RRP12: variants seen among roughly 807,000 people sequenced by gnomAD.
RRP12 encodes RRP12-like protein.
Under a neutral mutation model 157.3 loss-of-function variants are expected in RRP12, and 78 were observed. The ratio of observed to expected loss-of-function variants is 0.50; its 90% CI spans 0.41 to 0.60. RRP12 has a LOEUF of 0.60. RRP12 is among the 20% of genes least tolerant of loss of function. The probability of loss-of-function intolerance (pLI) is 0.00; values close to 1 mark genes in which losing one functional copy is unlikely to be tolerated. For missense variants in RRP12, 1,521 were observed against 1,679.9 expected (o/e 0.91, Z 1.65); for synonymous variants, 726 against 670.9 (o/e 1.08, Z -1.27).
chr10:97,370,768 A>G lies in RRP12; in HGVS notation c.2531T>C (p.Val844Ala), dbSNP rs1844125000. The stretch of plus-strand genomic sequence containing the variant: ...CTTGTGTTCAGCTGAGAGCTTCCTC[A>G]CGATGTGTAGGAGGCACTTCAAACG... Reference protein sequence around the residue: ...RPRLKCLLHIVRKLSAEHKEF... With the variant: ...RPRLKCLLHIARKLSAEHKEF... Residue 844 changes from valine to alanine, a missense_variant, in exon 22 of 34, where the codon GTG (valine) becomes GCG (alanine). By Grantham distance (64) the Val-to-Ala change is moderately conservative. Transcript: ENST00000370992. 1 of 1,613,998 alleles carries G rather than the reference A, an allele frequency of 6.2e-7. No individual in the cohort carries two copies. The highest frequency in any genetic ancestry group is 8.5e-7 in the Non-Finnish European group (1 of 1,179,886).
At chr10:97,393,164 C>T (rs911807536) in intron 4 of RRP12, 9 of 391,674 alleles carry the variant, frequency 2.3e-5, no homozygotes, top group African/African-American at 6.2e-5. Context: ...TGTGAACCAC[C>T]GCACCAGGCC....
chr10:97,388,368 C>T lies in RRP12; in HGVS notation c.901G>A (p.Ala301Thr). 1 of 1,613,848 alleles carries T rather than the reference C, an allele frequency of 6.2e-7. No individual in the cohort carries two copies. Among genetic ancestry groups the T allele is most frequent in the Non-Finnish European group, 8.5e-7 (1 of 1,180,000 alleles). The part of the protein sequence containing the change: ...EIEKSGGSKE[A>T]TTTLHMLTLL... ...GTCAGCATGTGCAGCGTGGTGGTGGCCTCCTTGGAGCCTGGTATACAGAAG... is the reference window on the plus strand; with the variant it reads ...GTCAGCATGTGCAGCGTGGTGGTGGTCTCCTTGGAGCCTGGTATACAGAAG... The change falls in exon 8 of 34, where the codon GCC becomes ACC. Residue 301 changes from alanine (A) to threonine (T), a missense_variant. Coordinates refer to ENST00000370992, the MANE Select transcript of RRP12 (RefSeq NM_015179.4).
At chr10:97,383,869 C>T (rs1439119058) in intron 10 of RRP12, among the ~76,000 whole-genome samples, 6 of 152,182 alleles carry the variant, frequency 3.9e-5, no homozygotes, top group East Asian at 1.9e-4. Flanking sequence ...CAACCTGGGA[C>T]GCAGGGCTCG....
At chr10:97,376,147 G>A (rs1161974345) in intron 15 of RRP12, among the ~76,000 whole-genome samples, 3 of 149,360 alleles carry the variant, frequency 2.0e-5, no homozygotes, top group Non-Finnish European at 4.4e-5. Context: ...CAAAGCAAAG[G>A]AAAATACATT....
At chr10:97,368,668 T>C (rs1268850432) in intron 25 of RRP12, among the ~76,000 whole-genome samples, 1 of 152,224 alleles carries the variant, frequency 6.6e-6, no homozygotes, top group African/African-American at 2.4e-5. Flanking sequence ...AGGGCTTGTA[T>C]AAATTCGAAT....
At position 97,369,587 on chromosome 10, in the gene RRP12, G is replaced by T; in HGVS notation, c.2798-5C>A. 1 of 1,555,032 alleles carries T rather than the reference G, an allele frequency of 6.4e-7. No individual in the cohort carries two copies. Among genetic ancestry groups the T allele is most frequent in the South Asian group, 1.2e-5 (1 of 84,298 alleles). On this transcript the variant is annotated splice_region_variant and splice_polypyrimidine_tract_variant and intron_variant, in intron 24 of 33. Transcript: ENST00000370992. ...CTGTACTGGTCCCCATCAGACCTGT[G>T]GCAGTGAGGGGGTCACTGTCTAAGA...
chr10:97,386,057 A>G, intron 8 of RRP12, 64 bp from the exon 9 acceptor site: 1 of 1,075,412 alleles, frequency 9.3e-7, no homozygotes, highest in South Asian at 1.4e-5. Context: ...TGGACCCCTC[A>G]ACTCCACCTG....
At chr10:97,369,064 A>C (rs1423637392) in intron 25 of RRP12, among the ~76,000 whole-genome samples, 1 of 151,948 alleles carries the variant, frequency 6.6e-6, no homozygotes, top group Non-Finnish European at 1.5e-5. Flanking sequence ...AAAAAAAAAA[A>C]GGCAAGATGA....
At chr10:97,379,585 C>G in intron 14 of RRP12, 43 bp downstream of exon 14, 1 of 1,608,640 alleles carries the variant, frequency 6.2e-7, no homozygotes, top group Non-Finnish European at 8.5e-7. Flanking sequence ...GGGGAGAGAA[C>G]AAGCCTGGGG....
At chr10:97,395,473 T>C (rs1214632300) in intron 3 of RRP12, among the ~76,000 whole-genome samples, 1 of 150,102 alleles carries the variant, frequency 6.7e-6, no homozygotes, top group Non-Finnish European at 1.5e-5. Flanking sequence ...AATTGCTTGA[T>C]ACCATGAGAC....
intron 28 of RRP12, 59 bp downstream of exon 28, chr10:97,366,387 G>A (rs1448799840): frequency 6.4e-7 from 1 of 1,561,614 alleles, no homozygotes; most frequent in Non-Finnish European, 8.7e-7. Context: ...CCCACCACCT[G>A]AGAACCTGGC....
intron 2 of RRP12, among the ~76,000 whole-genome samples, chr10:97,396,740 T>C (rs1424138007): frequency 6.6e-6 from 1 of 152,130 alleles, no homozygotes; most frequent in African/African-American, 2.4e-5. Flanking sequence ...GTAGTATTTG[T>C]GTATAACCTA....
rs1249527468 is a variant in RRP12, at chr10:97,379,631, G to C, written c.1673C>G (p.Ser558Cys). ...AGCCAGCCAGGGCCACACTTACTCA[G>C]AGCCATCAATTTCCAAAGGCACAGC... ...LQAVPLEIDG[S>C]EETLDFPRSW... The change falls in exon 14 of 34, where the codon TCT becomes TGT. Residue 558 changes from serine (S) to cysteine (C), a missense_variant. Ser to Cys is a moderately radical substitution (Grantham distance 112). Transcript: ENST00000370992. The C allele has an allele frequency of 5.6e-6, 9 of 1,613,838 alleles. No individual in the cohort carries two copies. The highest frequency in any genetic ancestry group is 7.6e-6 in the Non-Finnish European group (9 of 1,179,912).
chr10:97,381,614 T>C, intron 11 of RRP12, 101 bp downstream of exon 11: 1 of 1,250,160 alleles, frequency 8.0e-7, no homozygotes. Flanking sequence ...GAGAGCGGCC[T>C]CTCTGGGCCC....
chr10:97,369,633 C>T, intron 24 of RRP12, 51 bp from the exon 25 acceptor site: 1 of 1,517,770 alleles, frequency 6.6e-7, no homozygotes, highest in Admixed American at 2.0e-5. Flanking sequence ...CCCACTCAGA[C>T]CCAAACCTTC....
chr10:97,392,073 G>A (rs929991013), intron 4 of RRP12, among the ~76,000 whole-genome samples: 3 of 151,310 alleles, frequency 2.0e-5, no homozygotes, highest in Non-Finnish European at 4.4e-5. Context: ...GCACAATTAG[G>A]CTCACTGCAA....
At chr10:97,366,352 G>A in intron 28 of RRP12, 94 bp downstream of exon 28, 9 of 1,556,304 alleles carry the variant, frequency 5.8e-6, no homozygotes, top group Non-Finnish European at 6.1e-6. Flanking sequence ...CCTGTCCATG[G>A]GCCTGCCATG....
rs1844229384 is a variant in RRP12 at position 97,373,823 on chromosome 10, C to A, written c.1863+7G>T. 6.2e-7 allele frequency: 1 copy of A among 1,613,866 alleles called. No homozygotes were observed. The highest frequency in any genetic ancestry group is 8.5e-7 in the Non-Finnish European group (1 of 1,179,862). ...TCTCCCCACGCCCTCCCCCAGCTGA[C>A]CCTTACCTGCCACTGGAGTGTGTCG... On this transcript the variant is annotated splice_region_variant and intron_variant, in intron 16 of 33. Transcript: ENST00000370992.
At position 97,366,821 on chromosome 10, in the gene RRP12, G is replaced by C. The variant is rs1263627467; in HGVS notation, c.3136C>G (p.Arg1046Gly). Residue 1046 changes from arginine to glycine, a missense_variant, in exon 27 of 34, where the codon CGA (arginine) becomes GGA (glycine). Coordinates refer to ENST00000370992, the MANE Select transcript of RRP12 (RefSeq NM_015179.4). ...TCCACGGCAGCCTGGCTCAGGGCTC[G>C]GTGCCTCTTGGCCCGGGCCTCAGCT... ...RKAEARAKRH[R>G]ALSQAAVEEE... 2 of 1,614,114 alleles carry C rather than the reference G, an allele frequency of 1.2e-6. No homozygotes were observed. The highest frequency in any genetic ancestry group is 4.5e-5 in the East Asian group (2 of 44,884).
Sources: gnomAD v4.1 joint callset for allele counts (sites outside exome capture counted in the v4.1 genomes callset) on GRCh38, gnomAD v4.1.1 for gene constraint, MANE v1.5 for transcripts, NCBI Gene and HGNC (gene_info 2026-07-23, HGNC 2026-07-21) for gene names.